Variants in CDH18 observed in about 807,000 individuals in gnomAD.
CDH18 encodes cadherin 18, also known as cadherin-18.
Under a neutral mutation model 67.9 loss-of-function variants are expected in CDH18, and 31 were observed. The observed-to-expected ratio is 0.46, with a 90% CI of 0.34 to 0.62. CDH18 has a LOEUF of 0.62. Ranked by LOEUF, CDH18 falls within the 20% of genes least tolerant of loss-of-function variation. The pLI is 0.01. For missense variants in CDH18, 890 were observed against 975.5 expected (o/e 0.91, Z 1.17); for synonymous variants, 362 against 347.2 (o/e 1.04, Z -0.48).
intron 1 of CDH18, among the ~76,000 whole-genome samples, chr5:20,521,059 C>T (rs1252531356): frequency 6.6e-6 from 1 of 151,940 alleles, no homozygotes; most frequent in Non-Finnish European, 1.5e-5. Context: ...AAAAATAGTG[C>T]CTCAAGGGAA....
chr5:19,733,224 G>C (rs940939948), intron 4 of CDH18, among the ~76,000 whole-genome samples: 9 of 152,318 alleles, frequency 5.9e-5, no homozygotes, highest in Non-Finnish European at 1.0e-4. Context: ...TAGAGAACCT[G>C]TCTTCCTCTT....
intron 2 of CDH18, among the ~76,000 whole-genome samples, chr5:20,233,966 C>T (rs1742279279): frequency 6.6e-6 from 1 of 152,020 alleles, no homozygotes; most frequent in Non-Finnish European, 1.5e-5. Context: ...ACTTAGACTT[C>T]AAAAATCTTT....
chr5:19,483,787 A>AC (rs1356281860), intron 11 of CDH18, among the ~76,000 whole-genome samples: 1 of 152,234 alleles, frequency 6.6e-6, no homozygotes, highest in Admixed American at 6.5e-5. Context: ...TAGTGGGAAG[A>AC]CAAAGCAGGA....
chr5:20,299,116 C>T (rs1335321786), intron 1 of CDH18, among the ~76,000 whole-genome samples: 1 of 152,042 alleles, frequency 6.6e-6, no homozygotes, highest in East Asian at 1.9e-4. Flanking sequence ...GAGGGTGTAA[C>T]TTGGTCTGAG....
At chr5:20,220,262 G>A (rs532469222) in intron 2 of CDH18, among the ~76,000 whole-genome samples, 54 of 151,876 alleles carry the variant, frequency 3.6e-4, no homozygotes, top group Non-Finnish European at 6.3e-4. Flanking sequence ...CAACAATGTA[G>A]TGATATAAAA....
At chr5:20,294,715 T>C (rs1014049219) in intron 1 of CDH18, among the ~76,000 whole-genome samples, 8 of 152,242 alleles carry the variant, frequency 5.3e-5, no homozygotes, top group African/African-American at 1.7e-4. Context: ...ACATACTTTC[T>C]GTAAGCTGTA....
intron 1 of CDH18, among the ~76,000 whole-genome samples, chr5:20,335,381 A>T (rs1392546435): frequency 6.6e-6 from 1 of 151,906 alleles, no homozygotes; most frequent in Non-Finnish European, 1.5e-5. Context: ...TTTTATCTCA[A>T]CTTTATTATT....
chr5:20,193,940 G>A (rs527684992), intron 2 of CDH18, among the ~76,000 whole-genome samples: 4 of 152,116 alleles, frequency 2.6e-5, no homozygotes, highest in African/African-American at 9.6e-5. Context: ...GGTACTAATG[G>A]AACATATCTC....
intron 2 of CDH18, among the ~76,000 whole-genome samples, chr5:19,995,097 C>G (rs1735898563): frequency 6.6e-6 from 1 of 151,544 alleles, no homozygotes; most frequent in Non-Finnish European, 1.5e-5. Context: ...TACTCAGGCA[C>G]TCAATGGATT....
At chr5:19,746,486 A>G (rs1318780311) in intron 4 of CDH18, among the ~76,000 whole-genome samples, 2 of 152,222 alleles carry the variant, frequency 1.3e-5, no homozygotes, top group Admixed American at 1.3e-4. Context: ...TAATGTAGCA[A>G]CAGCTATTAA....
At chr5:20,249,174 T>C (rs1384440853) in intron 2 of CDH18, among the ~76,000 whole-genome samples, 1 of 152,142 alleles carries the variant, frequency 6.6e-6, no homozygotes, top group Non-Finnish European at 1.5e-5. Context: ...GAGCAAATAT[T>C]AAATAATGTG....
intron 2 of CDH18, among the ~76,000 whole-genome samples, chr5:20,111,568 TC>T (rs1747475900): frequency 7.2e-6 from 1 of 138,308 alleles, no homozygotes; most frequent in Admixed American, 7.6e-5. Context: ...TTTTTTTTTT[TC>T]CAGAGCCTTG....
chr5:19,997,085 T>C (rs567047470), intron 2 of CDH18, among the ~76,000 whole-genome samples: 3 of 152,144 alleles, frequency 2.0e-5, no homozygotes, highest in African/African-American at 7.2e-5. Context: ...TAAAAAATAA[T>C]TACTTTCAAT....
intron 3 of CDH18, among the ~76,000 whole-genome samples, chr5:19,784,854 G>C (rs1775526420): frequency 6.6e-6 from 1 of 152,064 alleles, no homozygotes; most frequent in South Asian, 2.1e-4. Context: ...ATCCACATAA[G>C]AAGAACCTTG....
At chr5:20,150,181 A>G (rs1241435126) in intron 2 of CDH18, among the ~76,000 whole-genome samples, 1 of 152,096 alleles carries the variant, frequency 6.6e-6, no homozygotes, top group Non-Finnish European at 1.5e-5. Flanking sequence ...AGAAATTATA[A>G]TTTTACCTGT....
chr5:20,026,315 G>C (rs1466517873), intron 2 of CDH18, among the ~76,000 whole-genome samples: 1 of 152,164 alleles, frequency 6.6e-6, no homozygotes. Flanking sequence ...TGAATTACTT[G>C]CAGTCGCTAA....
At chr5:20,121,508 G>A (rs1031552181) in intron 2 of CDH18, among the ~76,000 whole-genome samples, 1 of 152,080 alleles carries the variant, frequency 6.6e-6, no homozygotes, top group African/African-American at 2.4e-5. Flanking sequence ...GTAGGAAACA[G>A]CAAAAACTTT....
chr5:20,004,539 G>C (rs754663546), intron 2 of CDH18, among the ~76,000 whole-genome samples: 4 of 152,122 alleles, frequency 2.6e-5, no homozygotes, highest in African/African-American at 9.7e-5. Context: ...ATATGAATAG[G>C]CCACCAACGA....
At chr5:19,584,393 C>G (rs955148616) in intron 7 of CDH18, among the ~76,000 whole-genome samples, 1 of 152,112 alleles carries the variant, frequency 6.6e-6, no homozygotes, top group Non-Finnish European at 1.5e-5. Flanking sequence ...GCCCAGCTGG[C>G]TAAAGTGAAC....
Sources: allele counts gnomAD v4.1 joint callset (sites outside exome capture counted in the v4.1 genomes callset), GRCh38; gene constraint gnomAD v4.1.1; transcripts MANE v1.5; gene names NCBI Gene and HGNC (gene_info 2026-07-23, HGNC 2026-07-21).